The following EML6 variants were observed in gnomAD, a reference collection of about 807,000 sequenced individuals.
The protein encoded by EML6 is EMAP like 6.
A neutral mutation model predicts 240.1 loss-of-function variants in EML6; 154 were observed. The ratio of observed to expected loss-of-function variants is 0.64; its 90% CI spans 0.56 to 0.73. The LOEUF is 0.73. Among genes scored for constraint, EML6 ranks in the 30% least tolerant of loss-of-function variants. The pLI is 0.00. For synonymous variants in EML6, 1,148 were observed against 899.0 expected (o/e 1.28, Z -4.95); for missense variants, 2,964 against 2,474.6 (o/e 1.20, Z -4.20).
At chr2:54,911,654 C>G (rs944542107) in intron 25 of EML6, among the ~76,000 whole-genome samples, 1 of 152,126 alleles carries the variant, frequency 6.6e-6, no homozygotes, top group East Asian at 1.9e-4. Context: ...CCAGGCTGGT[C>G]TCGAACTCCT....
At chr2:54,913,353 T>A (rs1386066796) in intron 25 of EML6, among the ~76,000 whole-genome samples, 1 of 151,876 alleles carries the variant, frequency 6.6e-6, no homozygotes, top group Admixed American at 6.6e-5. Context: ...GCTTAGGTGA[T>A]CTTCCTGCCT....
chr2:54,964,878 ATAT>A, intron 38 of EML6, 145 bp downstream of exon 38: 1 of 670,992 alleles, frequency 1.5e-6, no homozygotes, highest in Non-Finnish European at 2.4e-6. Flanking sequence ...TACTTTTTCC[ATAT>A]TTTATAAATG....
intron 7 of EML6, among the ~76,000 whole-genome samples, chr2:54,833,942 G>C (rs186273283): frequency 1.3e-5 from 2 of 152,248 alleles, no homozygotes; most frequent in East Asian, 1.9e-4. Flanking sequence ...TATATATTTT[G>C]TTATAGAAAT....
intron 7 of EML6, among the ~76,000 whole-genome samples, chr2:54,839,542 T>G (rs1251712291): frequency 6.6e-6 from 1 of 152,206 alleles, no homozygotes; most frequent in Non-Finnish European, 1.5e-5. Context: ...GCAATGAAAA[T>G]GTAGCAACTC....
chr2:54,852,786 A>G (rs1670160241), intron 10 of EML6, among the ~76,000 whole-genome samples: 1 of 152,216 alleles, frequency 6.6e-6, no homozygotes, highest in African/African-American at 2.4e-5. Context: ...GAAAATACTT[A>G]TTCTGAGAGA....
chr2:54,758,575 T>C (rs962796088), intron 2 of EML6, among the ~76,000 whole-genome samples: 2 of 152,190 alleles, frequency 1.3e-5, no homozygotes, highest in African/African-American at 4.8e-5. Flanking sequence ...CCCTAGTATA[T>C]TATACTTCCT....
intron 10 of EML6, among the ~76,000 whole-genome samples, chr2:54,851,317 G>A (rs1573001988): frequency 6.6e-6 from 1 of 152,200 alleles, no homozygotes; most frequent in East Asian, 1.9e-4. Flanking sequence ...GGAGGCTAAG[G>A]CGGCAGAATT....
intron 26 of EML6, among the ~76,000 whole-genome samples, chr2:54,924,850 A>G (rs554699439): frequency 2.9e-4 from 44 of 152,056 alleles, no homozygotes; most frequent in Non-Finnish European, 6.0e-4. Flanking sequence ...GGCGTGAGCC[A>G]CTGCACCCAG....
At chr2:54,799,211 C>T (rs935038040) in intron 2 of EML6, among the ~76,000 whole-genome samples, 78 of 152,088 alleles carry the variant, frequency 5.1e-4, no homozygotes, top group Non-Finnish European at 1.3e-4. Context: ...CAGGTGTGCA[C>T]CACCATGCCC....
intron 28 of EML6, among the ~76,000 whole-genome samples, chr2:54,934,921 A>G (rs1432680106): frequency 6.6e-6 from 1 of 152,172 alleles, no homozygotes; most frequent in Non-Finnish European, 1.5e-5. Flanking sequence ...CAATTAAACA[A>G]ATTACTATTT....
At chr2:54,937,327 G>C (rs1675191702) in intron 28 of EML6, among the ~76,000 whole-genome samples, 1 of 151,524 alleles carries the variant, frequency 6.6e-6, no homozygotes, top group Admixed American at 6.6e-5. Flanking sequence ...GGGCAAGCCG[G>C]TTATCCCAGC....
At position 54,903,116 on chromosome 2, in the gene EML6, T is replaced by C; in HGVS notation, c.3197T>C (p.Val1066Ala). ...AVGLNDGSFLVVNADTVEDMV... is the reference protein window; with the variant it reads ...AVGLNDGSFLAVNADTVEDMV... ...GGCTTGAACGATGGGAGTTTCCTGG[T>C]GGTAAATGCTGACACTGTTGAAGAC... The change falls in exon 23 of 42, where the codon GTG becomes GCG. Residue 1066 changes from valine to alanine, a missense_variant. Transcript: ENST00000356458. 6.4e-7 allele frequency: 1 copy of C among 1,551,794 alleles called. No homozygotes were observed. Among genetic ancestry groups the C allele is most frequent in the Non-Finnish European group, 8.7e-7 (1 of 1,146,934 alleles).
At chr2:54,734,271 G>C (rs1335792790) in intron 2 of EML6, among the ~76,000 whole-genome samples, 1 of 152,262 alleles carries the variant, frequency 6.6e-6, no homozygotes, top group African/African-American at 2.4e-5. Flanking sequence ...CCAGGAAACA[G>C]TGGTTGCAGT....
In EML6 at chr2:54,964,155, T is replaced by A; in HGVS notation, c.5327T>A (p.Ile1776Asn). Residue 1776 changes from isoleucine (I) to asparagine (N), a missense_variant, in exon 37 of 42, where the codon ATC becomes AAC. Coordinates refer to ENST00000356458, the MANE Select transcript of EML6 (RefSeq NM_001039753.4). ...GACCGGAAATCTGCTATCCAAGATA[T>A]CAGGTACCTAAGTGGGTGGTCTGGG... ...KRDRKSAIQDIRISPDNRFLA... is the reference protein window; with the variant it reads ...KRDRKSAIQDNRISPDNRFLA... 1 of 1,551,370 alleles carries A rather than the reference T, an allele frequency of 6.4e-7. No individual in the cohort carries two copies. Among genetic ancestry groups the A allele is most frequent in the Non-Finnish European group, 8.7e-7 (1 of 1,146,826 alleles).
chr2:54,895,234 T>C lies in EML6; in HGVS notation c.2855-39T>C, dbSNP rs1452667587. ...TTGAATTTATACTAATAAGCAGTTG[T>C]TTTTGTTATTGTGTTAAATATACCA... On this transcript the variant is annotated intron_variant, in intron 20 of 41. Coordinates refer to ENST00000356458, the MANE Select transcript of EML6 (RefSeq NM_001039753.4). The C allele has an allele frequency of 1.9e-6, 3 of 1,548,420 alleles. No homozygotes were observed. In the African/African-American group the frequency reaches 4.1e-5, roughly 21 times the overall value.
intron 2 of EML6, among the ~76,000 whole-genome samples, chr2:54,738,131 C>G (rs1359252277): frequency 6.6e-6 from 1 of 151,888 alleles, no homozygotes; most frequent in Admixed American, 6.6e-5. Context: ...CTTAGTATTT[C>G]TTTTGATCCA....
At chr2:54,892,359 G>C in intron 18 of EML6, 95 bp from the exon 19 acceptor site, 2 of 735,046 alleles carry the variant, frequency 2.7e-6, no homozygotes, top group East Asian at 2.7e-5. Flanking sequence ...AATACCTAAT[G>C]AGAGACACCA....
At chr2:54,776,935 A>G (rs915080154) in intron 2 of EML6, among the ~76,000 whole-genome samples, 1 of 152,200 alleles carries the variant, frequency 6.6e-6, no homozygotes, top group African/African-American at 2.4e-5. Flanking sequence ...TTATCCTAAT[A>G]AATTTAAGAG....
At chr2:54,938,219 A>C (rs1212265909) in intron 28 of EML6, among the ~76,000 whole-genome samples, 1 of 152,130 alleles carries the variant, frequency 6.6e-6, no homozygotes, top group Non-Finnish European at 1.5e-5. Context: ...GGTGGCGGGC[A>C]CCTGTAATCA....
Sources: gnomAD v4.1 joint callset for allele counts (sites outside exome capture counted in the v4.1 genomes callset) on GRCh38, gnomAD v4.1.1 for gene constraint, MANE v1.5 for transcripts, NCBI Gene and HGNC (gene_info 2026-07-23, HGNC 2026-07-21) for gene names.